Variants in SFTPC observed in about 807,000 individuals in gnomAD.
The protein encoded by SFTPC is surfactant protein C.
In SFTPC, 12 loss-of-function variants were observed where a neutral mutation model predicts 19.9. That is an observed-to-expected ratio of 0.60 (90% CI 0.39 to 0.98). SFTPC has a LOEUF of 0.98. SFTPC is among the 50% of genes least tolerant of loss of function. SFTPC has a pLI of 0.00. For missense variants in SFTPC, 219 were observed against 252.2 expected (o/e 0.87, Z 0.89); for synonymous variants, 123 against 103.3 (o/e 1.19, Z -1.16).
chr8:22,157,939 T>C (rs1440343496), upstream of SFTPC, among the ~76,000 whole-genome samples: 1 of 152,208 alleles, frequency 6.6e-6, no homozygotes, highest in Admixed American at 6.5e-5. Context: ...TCAACAGACA[T>C]ATCCCACATA....
upstream of SFTPC, chr8:22,157,789 TTTATTTTGCTTTGTAAAA>T (rs1827555936): frequency 2.0e-5 from 3 of 152,266 alleles, no homozygotes; most frequent in African/African-American, 7.2e-5. Flanking sequence ...TCTCTCTAAT[TTTATTTTGCTTTGTAAAA>T]TAATTTTGCT....
At chr8:22,161,667 T>C, upstream of SFTPC, 1 of 1,597,634 alleles carries the variant, frequency 6.3e-7, no homozygotes, top group South Asian at 1.1e-5. Context: ...TATCTGGGCT[T>C]CGGTTCTGGA....
In SFTPC at chr8:22,161,924, G is replaced by A. The variant is rs145625779; in HGVS notation, c.42+54G>A. ...GTGTGCGCGCGCACATGTGTGTGAT[G>A]GGCCCTGCCTCCTCTATCCTCCCTG... On this transcript the variant is annotated intron_variant, in intron 1 of 5. Coordinates refer to ENST00000679463, the MANE Select transcript of SFTPC (RefSeq NM_001317778.2). 1.1e-4 allele frequency: 173 copies of A among 1,556,532 alleles called. No homozygotes were observed. The East Asian group carries it at 3.6e-3, about 32-fold the overall frequency.
chr8:22,161,449 G>T (rs989948650), upstream of SFTPC, among the ~76,000 whole-genome samples: 6 of 152,166 alleles, frequency 3.9e-5, no homozygotes, highest in African/African-American at 1.4e-4. Context: ...CACCTGAAAG[G>T]TTCAGGGTGG....
chr8:22,161,637 G>A, upstream of SFTPC: 1 of 1,560,768 alleles, frequency 6.4e-7, no homozygotes, highest in African/African-American at 1.4e-5. Context: ...AAGGGCCCTT[G>A]GGGGCTCTCA....
At chr8:22,162,344 C>T (rs1414343863) in intron 1 of SFTPC, among the ~76,000 whole-genome samples, 3 of 152,094 alleles carry the variant, frequency 2.0e-5, no homozygotes, top group East Asian at 1.9e-4. Flanking sequence ...TCTCTTGGGT[C>T]CCTCAAAACT....
chr8:22,160,843 A>T (rs980221312), upstream of SFTPC, among the ~76,000 whole-genome samples: 9 of 152,212 alleles, frequency 5.9e-5, no homozygotes, highest in African/African-American at 1.4e-4. Context: ...AAGACAGAGA[A>T]AAGAGAAGGA....
At chr8:22,164,191 G>A in intron 5 of SFTPC, 75 bp from the exon 6 acceptor site, 26 of 1,535,170 alleles carry the variant, frequency 1.7e-5, no homozygotes, top group Non-Finnish European at 2.1e-5. Flanking sequence ...ACTCGGGGGA[G>A]GGGAAGCTCA....
chr8:22,159,536 C>T, upstream of SFTPC: 1 of 368,738 alleles, frequency 2.7e-6, no homozygotes, highest in Non-Finnish European at 5.3e-6. Flanking sequence ...CTCCCTCAGC[C>T]CTCAAGCAAG....
chr8:22,163,060 G>A lies in SFTPC; in HGVS notation c.202-20G>A, dbSNP rs1432889651. 2 of 1,613,666 alleles carry A rather than the reference G, an allele frequency of 1.2e-6. No individual in the cohort carries two copies. The highest frequency in any genetic ancestry group is 1.7e-6 in the Non-Finnish European group (2 of 1,179,894). On this transcript the variant is annotated intron_variant, in intron 2 of 5. Transcript: ENST00000679463. Reference sequence around the variant, plus strand: ...GAGTAGGAAAGGGGAAGACCAGGTGGCTCCATGCCCTTTCCCCAGGTTCTG... The same window carrying A: ...GAGTAGGAAAGGGGAAGACCAGGTGACTCCATGCCCTTTCCCCAGGTTCTG...
chr8:22,160,156 C>A (rs543878977), upstream of SFTPC, among the ~76,000 whole-genome samples: 5 of 152,220 alleles, frequency 3.3e-5, no homozygotes, highest in South Asian at 8.3e-4. Context: ...TTCCTCCCTG[C>A]GCTTCTCAGG....
intron 1 of SFTPC, 136 bp downstream of exon 1, chr8:22,162,006 G>A (rs1259481456): frequency 1.1e-6 from 1 of 943,420 alleles, no homozygotes; most frequent in Non-Finnish European, 1.7e-6. Context: ...TGATAAGTCA[G>A]GATGGGGACA....
At chr8:22,163,811 G>C in intron 4 of SFTPC, 90 bp from the exon 5 acceptor site, 1 of 1,220,058 alleles carries the variant, frequency 8.2e-7, no homozygotes. Flanking sequence ...GGCTCAGAGA[G>C]ATTGCCTGAT....
chr8:22,163,741 AC>A, intron 4 of SFTPC, 159 bp from the exon 5 acceptor site: 1 of 835,188 alleles, frequency 1.2e-6, no homozygotes, highest in East Asian at 2.6e-5. Context: ...AGCTGAGTCC[AC>A]TCACTACCTG....
At chr8:22,163,856 G>A (rs575093849) in intron 4 of SFTPC, 45 bp from the exon 5 acceptor site, 2 of 1,543,784 alleles carry the variant, frequency 1.3e-6, no homozygotes, top group African/African-American at 1.4e-5. Context: ...CTGCACATGG[G>A]ATAGAAACTC....
At position 22,162,675 on chromosome 8, in the gene SFTPC, G is replaced by A. The variant is rs747210099; in HGVS notation, c.144G>A (p.Val48=). ...TGGTGGTGGTGGTCCTCATCGTCGT[G>A]GTGATTGTGGGAGCCCTGCTCATGG... ...IVVVVVVLIV[V]VIVGALLMGL... is the part of the protein sequence containing the mutation. The change falls in exon 2 of 6, where the codon GTG becomes GTA. Residue 48 remains valine (V), a synonymous_variant. Transcript: ENST00000679463. 6.2e-7 allele frequency: 1 copy of A among 1,614,090 alleles called. No individual in the cohort carries two copies. Among genetic ancestry groups the A allele is most frequent in the African/African-American group, 1.3e-5 (1 of 74,926 alleles).
Position 22,163,111 on chromosome 8 carries a change from C to G in SFTPC, c.233C>G (p.Ala78Gly). 1 of 1,614,160 alleles carries G rather than the reference C, an allele frequency of 6.2e-7. No homozygotes were observed. Among genetic ancestry groups the G allele is most frequent in the Non-Finnish European group, 8.5e-7 (1 of 1,180,018 alleles). Residue 78 changes from alanine (A) to glycine (G), a missense_variant, in exon 3 of 6, where the codon GCC becomes GGC. Coordinates refer to ENST00000679463, the MANE Select transcript of SFTPC (RefSeq NM_001317778.2). ...VLEMSIGAPE[A>G]QQRLALSEHL... ...GAGATGAGCATTGGGGCGCCGGAAG[C>G]CCAGCAACGCCTGGCCCTGAGTGAG...
At chr8:22,157,525 G>T (rs1319406250), upstream of SFTPC, 7 of 152,796 alleles carry the variant, frequency 4.6e-5, 1 homozygote. Context: ...GAAAAGTGAG[G>T]CCTGTCGCAC....
At chr8:22,161,998 A>G in intron 1 of SFTPC, 128 bp downstream of exon 1, 1 of 980,454 alleles carries the variant, frequency 1.0e-6, no homozygotes, top group Admixed American at 2.0e-5. Flanking sequence ...TAGGACTGTG[A>G]TAAGTCAGGA....
Sources: allele counts gnomAD v4.1 joint callset (sites outside exome capture counted in the v4.1 genomes callset), GRCh38; gene constraint gnomAD v4.1.1; transcripts MANE v1.5; gene names NCBI Gene and HGNC (gene_info 2026-07-23, HGNC 2026-07-21).